MFSD12: variants seen among roughly 807,000 people sequenced by gnomAD.
MFSD12 encodes the protein major facilitator superfamily domain-containing protein 12.
MFSD12 carries 67 observed loss-of-function variants against 51.2 expected under a neutral mutation model. The ratio of observed to expected loss-of-function variants is 1.31; its 90% CI spans 1.08 to 1.60. The LOEUF is 1.60. MFSD12 is among the 40% of genes most tolerant of loss of function. MFSD12 has a pLI of 0.00. For synonymous variants in MFSD12, 441 were observed against 316.7 expected (o/e 1.39, Z -4.17); for missense variants, 921 against 673.0 (o/e 1.37, Z -4.08).
intron 8 of MFSD12, 34 bp from the exon 9 acceptor site, chr19:3,544,973 C>T (rs12976454): frequency 0.31 from 485,021 of 1,570,194 alleles, 85,974 homozygotes; most frequent in East Asian, 0.84. Context: ...GTAGGCACCG[C>T]GGGTACCACC....
At chr19:3,544,188 A>G, downstream of MFSD12, 13 of 1,367,366 alleles carry the variant, frequency 9.5e-6, no homozygotes, top group Non-Finnish European at 1.2e-5. Flanking sequence ...GCAGGCAGAC[A>G]GGAGCCAGGC....
downstream of MFSD12, chr19:3,543,118 G>A (rs372364244): frequency 2.6e-6 from 4 of 1,522,146 alleles, no homozygotes; most frequent in Non-Finnish European, 3.5e-6. Flanking sequence ...TGGCGAGGGA[G>A]GGAGACCCCA....
intron 2 of MFSD12, among the ~76,000 whole-genome samples, chr19:3,549,733 A>AC (rs1040769410): frequency 1.3e-4 from 19 of 140,986 alleles, no homozygotes; most frequent in African/African-American, 5.1e-4. Context: ...CAAAAAAAAA[A>AC]AAAAAAAAAG....
At chr19:3,539,207 G>A (rs918106351), downstream of MFSD12, 3 of 1,549,078 alleles carry the variant, frequency 1.9e-6, no homozygotes, top group African/African-American at 4.2e-5. Context: ...AGGCTGCACG[G>A]CCCTGTATCC....
At chr19:3,555,389 G>A (rs574389026) in intron 1 of MFSD12, among the ~76,000 whole-genome samples, 6 of 152,224 alleles carry the variant, frequency 3.9e-5, no homozygotes, top group Non-Finnish European at 5.9e-5. Context: ...GTGAGCCACC[G>A]TGCCCGGCCC....
chr19:3,544,157 A>ACCCCTGCCCAGAGCCC, downstream of MFSD12: 1 of 1,377,408 alleles, frequency 7.3e-7, no homozygotes, highest in Non-Finnish European at 9.4e-7. Context: ...TGCCCAGGCT[A>ACCCCTGCCCAGAGCCC]CCCCTGCCCA....
At chr19:3,542,238 A>G (rs561630116), downstream of MFSD12, 22 of 985,440 alleles carry the variant, frequency 2.2e-5, no homozygotes, top group South Asian at 9.4e-4. Flanking sequence ...GGGGTCCCTC[A>G]AACAGGCTCT....
chr19:3,541,947 C>T, downstream of MFSD12: 1 of 404,942 alleles, frequency 2.5e-6, no homozygotes, highest in Non-Finnish European at 3.3e-6. Flanking sequence ...GTAGCTGGGA[C>T]CACAGGTGTC....
chr19:3,542,421 T>G (rs2030491651), downstream of MFSD12: 1 of 985,272 alleles, frequency 1.0e-6, no homozygotes, highest in African/African-American at 1.7e-5. Flanking sequence ...TGGGATGACT[T>G]CCTTGGGACA....
At position 3,538,657 on chromosome 19, in the gene MFSD12, G is replaced by A. The variant is rs935912804; in HGVS notation, c.*105C>T. The A allele has an allele frequency of 9.2e-5, 30 of 327,296 alleles. No homozygotes were observed. In the Admixed American group the frequency reaches 9.3e-4, roughly 10 times the overall value. The allele number at this position is 327,296 out of a possible 1,614,324, so 20.3% of individuals were successfully genotyped here. A position where few individuals can be genotyped will look rare whatever the true frequency, so the allele number is the denominator to read the frequency against. On this transcript the variant is annotated 3_prime_UTR_variant, in exon 5 of 5. Transcript: ENST00000398558. Reference sequence around the variant, plus strand: ...TGAGTCTCGTTCCAGCACGGTGGCGGCGCCGTGCTGATCCCCTCACCTTCA... The same window carrying A: ...TGAGTCTCGTTCCAGCACGGTGGCGACGCCGTGCTGATCCCCTCACCTTCA...
chr19:3,543,008 G>C (rs372468287), downstream of MFSD12: 2 of 1,601,014 alleles, frequency 1.2e-6, no homozygotes, highest in South Asian at 2.2e-5. Context: ...TGCTGACTTG[G>C]GTGCTTGGGG....
chr19:3,543,349 C>T, downstream of MFSD12: 1 of 1,549,494 alleles, frequency 6.5e-7, no homozygotes, highest in Non-Finnish European at 8.7e-7. Context: ...GGTACACAGG[C>T]CTGACCAACT....
At chr19:3,550,717 G>A (rs1174306108) in intron 2 of MFSD12, among the ~76,000 whole-genome samples, 2 of 151,938 alleles carry the variant, frequency 1.3e-5, no homozygotes, top group Admixed American at 1.3e-4. Flanking sequence ...GCTGGGTGTA[G>A]TGACATACTC....
In MFSD12 at chr19:3,557,385, C is replaced by A. The variant is rs1266810644; in HGVS notation, c.19G>T (p.Ala7Ser). The change falls in exon 1 of 10, where the codon GCG becomes TCG. Residue 7 changes from alanine to serine, a missense_variant. Physicochemically the swap from Ala to Ser is moderately conservative, Grantham distance 99. Transcript: ENST00000355415. Reference protein sequence around the residue: MGPGPPAAGAAPSPRPL... With the variant: MGPGPPSAGAAPSPRPL... ...CGCGGGGACGGCGCCGCTCCGGCCG[C>A]TGGGGGTCCCGGGCCCATCGCGGCG... 13 of 1,424,774 alleles carry A rather than the reference C, an allele frequency of 9.1e-6. No individual in the cohort carries two copies. Among genetic ancestry groups the A allele is most frequent in the Non-Finnish European group, 1.2e-5 (13 of 1,082,886 alleles). 88.3% of individuals were successfully genotyped at this position (1,424,774 alleles called of 1,614,324 possible). A position where few individuals can be genotyped will look rare whatever the true frequency, so the allele number is the denominator to read the frequency against.
At position 3,557,332 on chromosome 19, in the gene MFSD12, G is replaced by T. The variant is rs754445488; in HGVS notation, c.72C>A (p.Ser24Arg). The part of the protein sequence containing the change: ...PRPLSLVARL[S>R]YAVGHFLNDL... ...CGTTGAGGAAGTGGCCCACGGCGTA[G>T]CTCAGCCGCGCCACCAGGGACAGCG... is the stretch of plus-strand genomic sequence containing the variant. Residue 24 changes from serine to arginine, a missense_variant, in exon 1 of 10, where the codon AGC becomes AGA. Coordinates refer to ENST00000355415, the MANE Select transcript of MFSD12 (RefSeq NM_174983.5). 2 of 1,558,526 alleles carry T rather than the reference G, an allele frequency of 1.3e-6. No homozygotes were observed. The highest frequency in any genetic ancestry group is 1.2e-5 in the South Asian group (1 of 84,498).
At chr19:3,547,787 A>G (rs866547993) in intron 4 of MFSD12, 61 bp downstream of exon 4, 13 of 1,445,852 alleles carry the variant, frequency 9.0e-6, no homozygotes, top group Non-Finnish European at 1.1e-5. Context: ...TGCCCCACAG[A>G]GCAAAGGCCC....
chr19:3,543,098 A>G (rs1413351475), downstream of MFSD12: 128 of 1,549,208 alleles, frequency 8.3e-5, no homozygotes, highest in Non-Finnish European at 1.1e-4. Flanking sequence ...GCTGAAGGAC[A>G]GACTCCAAGT....
downstream of MFSD12, chr19:3,542,449 T>C (rs1371453971): frequency 3.0e-6 from 3 of 985,202 alleles, no homozygotes; most frequent in Non-Finnish European, 2.4e-6. Flanking sequence ...AAGAGCAAGG[T>C]CAAAGCATAA....
At chr19:3,556,498 C>T (rs1374028053) in intron 1 of MFSD12, among the ~76,000 whole-genome samples, 2 of 151,254 alleles carry the variant, frequency 1.3e-5, no homozygotes, top group African/African-American at 4.9e-5. Context: ...GGGGGAGGCT[C>T]ATGGCTCAGG....
Sources: gnomAD v4.1 joint callset for allele counts (sites outside exome capture counted in the v4.1 genomes callset) on GRCh38, gnomAD v4.1.1 for gene constraint, MANE v1.5 for transcripts, NCBI Gene and HGNC (gene_info 2026-07-23, HGNC 2026-07-21) for gene names.